Variants in ROBO2 observed in about 807,000 individuals in gnomAD.
ROBO2 encodes the protein roundabout guidance receptor 2, also known as roundabout homolog 2.
In ROBO2, 53 loss-of-function variants were observed where a neutral mutation model predicts 160.8. That is an observed-to-expected ratio of 0.33 (90% CI 0.26 to 0.41). The LOEUF is 0.41. ROBO2 is among the 10% of genes least tolerant of loss of function. The pLI, the probability that ROBO2 is intolerant of heterozygous loss-of-function variation, is 1.00. For missense variants in ROBO2, 1,577 were observed against 1,722.4 expected (o/e 0.92, Z 1.49); for synonymous variants, 664 against 611.7 (o/e 1.09, Z -1.26).
rs115181290 is a variant in ROBO2, at chr3:76,686,965, C to G, written c.110-411049C>G. 4.5e-3 allele frequency among the ~76,000 whole-genome samples: 682 copies of G among 152,068 alleles called. 4 individuals carry two copies. The highest frequency in any genetic ancestry group is 0.015 in the African/African-American group (631 of 41,494). On this transcript the variant is annotated intron_variant, in intron 2 of 26. Transcript: ENST00000487694. Reference sequence around the variant, plus strand: ...GTATTCAAGGCTTCCTGCTATATACCAGGCACTTTAATATGTGTTAAATGT... The same window carrying G: ...GTATTCAAGGCTTCCTGCTATATACGAGGCACTTTAATATGTGTTAAATGT...
chr3:77,226,782 A>C (rs1259120080), intron 2 of ROBO2, among the ~76,000 whole-genome samples: 1 of 152,152 alleles, frequency 6.6e-6, no homozygotes, highest in African/African-American at 2.4e-5. Flanking sequence ...AGCCTACAAT[A>C]AAGTGTTAAA....
intron 2 of ROBO2, among the ~76,000 whole-genome samples, chr3:76,038,938 C>A (rs752663805): frequency 2.9e-4 from 44 of 151,888 alleles, no homozygotes; most frequent in Non-Finnish European, 4.1e-4. Flanking sequence ...TTGGTCAAGT[C>A]ATGCAAGCAG....
chr3:77,114,329 A>G (rs1481540044), intron 2 of ROBO2, among the ~76,000 whole-genome samples: 1 of 152,210 alleles, frequency 6.6e-6, no homozygotes, highest in African/African-American at 2.4e-5. Flanking sequence ...AAAATTGAAG[A>G]CACCAGCCTT....
At chr3:77,514,519 A>T (rs1024050407) in intron 5 of ROBO2, among the ~76,000 whole-genome samples, 1 of 151,800 alleles carries the variant, frequency 6.6e-6, no homozygotes, top group Non-Finnish European at 1.5e-5. Flanking sequence ...AGAAAAATAA[A>T]TGTACTTATA....
At chr3:76,919,250 T>C (rs2148980275) in intron 2 of ROBO2, among the ~76,000 whole-genome samples, 1 of 152,314 alleles carries the variant, frequency 6.6e-6, no homozygotes, top group South Asian at 2.1e-4. Context: ...TGGCAAATGT[T>C]TGATAGCAAA....
rs1365275890 is a variant in ROBO2, at chr3:77,054,838, G to A, written c.61+13992G>A. Among the ~76,000 whole-genome samples, 3 of 152,104 alleles carry A rather than the reference G, an allele frequency of 2.0e-5. No homozygotes were observed. The East Asian group carries it at 5.8e-4, about 30-fold the overall frequency. On this transcript the variant is annotated intron_variant, in intron 1 of 25. Transcript: ENST00000461745. ...ATCAATGCTGTGGGGCTACTTCATA[G>A]CCAACATTTGAAAGCAGATGGGCAT...
chr3:76,805,517 G>A (rs896589575), intron 2 of ROBO2, among the ~76,000 whole-genome samples: 1 of 151,558 alleles, frequency 6.6e-6, no homozygotes, highest in East Asian at 1.9e-4. Context: ...ACACACATAT[G>A]TATATATGTA....
intron 4 of ROBO2, among the ~76,000 whole-genome samples, chr3:77,482,318 C>CA (rs1250572315): frequency 6.6e-6 from 1 of 152,166 alleles, no homozygotes; most frequent in Non-Finnish European, 1.5e-5. Context: ...CAAAGCCCTG[C>CA]ATAGGTCCCC....
rs550754431 is a variant in ROBO2, at chr3:76,373,498, C to T, written c.109+435896C>T. On this transcript the variant is annotated intron_variant, in intron 2 of 26. Coordinates refer to the ROBO2 transcript ENST00000487694. Reference sequence around the variant, plus strand: ...TGGAGCACTTGGATGGCCCATAGAACACTCTGTTTGTCCCTATCATAGTAC... The same window carrying T: ...TGGAGCACTTGGATGGCCCATAGAATACTCTGTTTGTCCCTATCATAGTAC... 6.6e-5 allele frequency among the ~76,000 whole-genome samples: 10 copies of T among 152,018 alleles called. No homozygotes were observed. In the South Asian group the frequency reaches 1.0e-3, roughly 16 times the overall value.
chr3:76,020,022 G>T (rs2066527268), intron 2 of ROBO2, among the ~76,000 whole-genome samples: 1 of 151,942 alleles, frequency 6.6e-6, no homozygotes, highest in Non-Finnish European at 1.5e-5. Context: ...TGAGAATACT[G>T]TGTATTCCTT....
chr3:76,453,640 G>A (rs2077592621), intron 2 of ROBO2, among the ~76,000 whole-genome samples: 1 of 152,108 alleles, frequency 6.6e-6, no homozygotes, highest in Non-Finnish European at 1.5e-5. Context: ...TTTTGGCTAA[G>A]CCAACTTATT....
chr3:76,085,116 T>TAC lies in ROBO2; in HGVS notation c.109+147538_109+147539dup, dbSNP rs60546446. Reference sequence around the variant, plus strand: ...CCCCCAGTTTACATATATATATATATACACACACACACACACACACACACA... The same window carrying TAC: ...CCCCCAGTTTACATATATATATATATACACACACACACACACACACACACACA... On this transcript the variant is annotated intron_variant, in intron 2 of 26. Transcript: ENST00000487694. Among the ~76,000 whole-genome samples, 526 of 135,878 alleles carry TAC rather than the reference T, an allele frequency of 3.9e-3. 2 individuals are homozygous for TAC. The highest frequency in any genetic ancestry group is 0.022 in the South Asian group (85 of 3,880). 89.1% of individuals were successfully genotyped at this position (135,878 alleles called of 152,430 possible). A position where few individuals can be genotyped will look rare whatever the true frequency, so the allele number is the denominator to read the frequency against.
chr3:77,104,014 A>G (rs1272818225), intron 2 of ROBO2, among the ~76,000 whole-genome samples: 1 of 152,218 alleles, frequency 6.6e-6, no homozygotes, highest in African/African-American at 2.4e-5. Flanking sequence ...TTAAATTGCA[A>G]AAAGATCAAT....
chr3:77,323,751 C>T (rs2065064705), intron 2 of ROBO2, among the ~76,000 whole-genome samples: 1 of 152,112 alleles, frequency 6.6e-6, no homozygotes, highest in South Asian at 2.1e-4. Flanking sequence ...CACAAACACA[C>T]CATACACACA....
chr3:77,095,038 C>G (rs912034490), intron 1 of ROBO2, among the ~76,000 whole-genome samples: 3 of 152,032 alleles, frequency 2.0e-5, no homozygotes, highest in Non-Finnish European at 4.4e-5. Flanking sequence ...CAGTTTATCT[C>G]TTTTTTTCTT....
intron 1 of ROBO2, among the ~76,000 whole-genome samples, chr3:77,061,030 G>A (rs1020423475): frequency 6.6e-6 from 1 of 151,934 alleles, no homozygotes; most frequent in Non-Finnish European, 1.5e-5. Flanking sequence ...CGAACTCCTG[G>A]GTTCAAGGGA....
chr3:76,805,780 C>T (rs2064654202), intron 2 of ROBO2, among the ~76,000 whole-genome samples: 1 of 151,602 alleles, frequency 6.6e-6, no homozygotes, highest in Admixed American at 6.6e-5. Context: ...TAAAATTTGG[C>T]CTCATAGGTC....
chr3:76,781,073 GTCT>G (rs2062613264), intron 2 of ROBO2, among the ~76,000 whole-genome samples: 1 of 150,520 alleles, frequency 6.6e-6, no homozygotes, highest in South Asian at 2.1e-4. Context: ...ATTTATTTGT[GTCT>G]TCTTCAATTT....
chr3:76,285,921 A>G (rs185089548), intron 2 of ROBO2, among the ~76,000 whole-genome samples: 2 of 152,220 alleles, frequency 1.3e-5, no homozygotes, highest in African/African-American at 4.8e-5. Flanking sequence ...ATCCGCACCC[A>G]TACTCTTTAT....
Sources: allele counts gnomAD v4.1 joint callset (sites outside exome capture counted in the v4.1 genomes callset), GRCh38; gene constraint gnomAD v4.1.1; transcripts MANE v1.5; gene names NCBI Gene and HGNC (gene_info 2026-07-23, HGNC 2026-07-21).